The following MEGF11 variants were observed in gnomAD, a reference collection of about 807,000 sequenced individuals.
MEGF11 encodes multiple EGF like domains 11, also known as multiple epidermal growth factor-like domains protein 11.
A neutral mutation model predicts 146.6 loss-of-function variants in MEGF11; 126 were observed. The observed-to-expected ratio is 0.86, with a 90% CI of 0.74 to 1.00. The LOEUF (loss-of-function observed/expected upper bound fraction) is 1.00, where lower values mean the gene tolerates loss of function less well. Ranked by LOEUF, MEGF11 falls within the 50% of genes least tolerant of loss-of-function variation. The pLI, the probability that MEGF11 is intolerant of heterozygous loss-of-function variation, is 0.00. For missense variants in MEGF11, 1,509 were observed against 1,521.2 expected (o/e 0.99, Z 0.13); for synonymous variants, 532 against 583.4 (o/e 0.91, Z 1.27).
In MEGF11 at chr15:65,940,157, G is replaced by A. The variant is rs184342518; in HGVS notation, c.1288-9214C>T. On this transcript the variant is annotated intron_variant, in intron 10 of 25. Coordinates refer to ENST00000395614, the MANE Select transcript of MEGF11 (RefSeq NM_001385028.1). ...GGCTAGTCCCTCCCTACTTCCATGG[G>A]TTCTGCAGGCGGCCTGTAGTGGCTC... 2.6e-3 allele frequency among the ~76,000 whole-genome samples: 394 copies of A among 152,282 alleles called. 2 individuals carry two copies. Among genetic ancestry groups the A allele is most frequent in the Non-Finnish European group, 4.9e-3 (334 of 68,006 alleles).
chr15:66,136,189 G>T (rs1431182148), intron 1 of MEGF11, among the ~76,000 whole-genome samples: 1 of 152,212 alleles, frequency 6.6e-6, no homozygotes, highest in Admixed American at 6.5e-5. Flanking sequence ...TTCTTGTGAG[G>T]ATTAAACAGG....
chr15:66,046,454 T>C (rs1383056013), intron 5 of MEGF11, among the ~76,000 whole-genome samples: 1 of 152,162 alleles, frequency 6.6e-6, no homozygotes, highest in East Asian at 1.9e-4. Flanking sequence ...CAGGCTTTCT[T>C]TAGAGCTCAG....
At chr15:66,051,048 G>A (rs1050882133) in intron 5 of MEGF11, among the ~76,000 whole-genome samples, 1 of 152,212 alleles carries the variant, frequency 6.6e-6, no homozygotes, top group African/African-American at 2.4e-5. Context: ...TGACAGATAT[G>A]AGCCCCAAAG....
At chr15:66,054,614 G>C (rs1368476727) in intron 5 of MEGF11, among the ~76,000 whole-genome samples, 3 of 152,224 alleles carry the variant, frequency 2.0e-5, no homozygotes, top group Non-Finnish European at 4.4e-5. Context: ...AAAATGGAGT[G>C]AGCACACATG....
At chr15:66,045,547 C>T (rs1334012679) in intron 5 of MEGF11, among the ~76,000 whole-genome samples, 1 of 152,206 alleles carries the variant, frequency 6.6e-6, no homozygotes, top group Non-Finnish European at 1.5e-5. Flanking sequence ...GGGCTCTACT[C>T]CATTTCCCCT....
chr15:65,980,395 C>CTT (rs60154748), intron 7 of MEGF11, among the ~76,000 whole-genome samples: 4,844 of 88,072 alleles, frequency 0.055, 661 homozygotes, highest in South Asian at 0.07. Flanking sequence ...AAGAATTCAG[C>CTT]TTTTTTTTTT....
intron 1 of MEGF11, among the ~76,000 whole-genome samples, chr15:66,169,060 C>T (rs4776755): frequency 0.99 from 151,408 of 152,374 alleles, 75,230 homozygotes; most frequent in Middle Eastern, 1. Context: ...GATTTAAAAT[C>T]CCACATGTGC....
chr15:66,179,292 C>T (rs1002248639), intron 1 of MEGF11, among the ~76,000 whole-genome samples: 2 of 152,158 alleles, frequency 1.3e-5, no homozygotes, highest in Non-Finnish European at 2.9e-5. Context: ...GCCCCCACAC[C>T]CAGCTAATTT....
intron 1 of MEGF11, among the ~76,000 whole-genome samples, chr15:66,172,942 C>T (rs1403262470): frequency 6.6e-6 from 1 of 152,132 alleles, no homozygotes; most frequent in Non-Finnish European, 1.5e-5. Context: ...CTTTTCTGTC[C>T]CTCCTGACCG....
chr15:66,027,671 G>A lies in MEGF11; in HGVS notation c.395-45183C>T, dbSNP rs1490229804. On this transcript the variant is annotated intron_variant, in intron 5 of 25. Transcript: ENST00000395614. ...GGCCCCTCCCTTGATGATTCAGATTGCACAAATCTTGGGTGGGGGTGGCAA... is the reference window on the plus strand; with the variant it reads ...GGCCCCTCCCTTGATGATTCAGATTACACAAATCTTGGGTGGGGGTGGCAA... Among the ~76,000 whole-genome samples, 7 of 152,240 alleles carry A rather than the reference G, an allele frequency of 4.6e-5. No homozygotes were observed. The East Asian group carries it at 1.3e-3, about 29-fold the overall frequency.
intron 1 of MEGF11, among the ~76,000 whole-genome samples, chr15:66,225,731 C>G (rs1384685231): frequency 6.6e-6 from 1 of 152,176 alleles, no homozygotes; most frequent in Non-Finnish European, 1.5e-5. Flanking sequence ...CACACGCACA[C>G]TATCATACAC....
At chr15:66,154,566 G>T (rs1384393993) in intron 1 of MEGF11, among the ~76,000 whole-genome samples, 1 of 152,216 alleles carries the variant, frequency 6.6e-6, no homozygotes, top group African/African-American at 2.4e-5. Context: ...TCATAAAGAT[G>T]CAGTTATTAA....
intron 1 of MEGF11, among the ~76,000 whole-genome samples, chr15:66,161,216 G>C (rs1044356708): frequency 3.3e-5 from 5 of 152,226 alleles, no homozygotes; most frequent in African/African-American, 1.2e-4. Context: ...AATGTACTGA[G>C]TGGGAGGAGG....
intron 5 of MEGF11, among the ~76,000 whole-genome samples, chr15:66,064,699 C>T (rs1376790874): frequency 6.7e-6 from 1 of 149,852 alleles, no homozygotes; most frequent in African/African-American, 2.4e-5. Context: ...TATTTTTTTT[C>T]TTTTTTTTTA....
intron 24 of MEGF11, 51 bp downstream of exon 24, chr15:65,906,034 C>A: frequency 1.3e-6 from 2 of 1,481,578 alleles, no homozygotes; most frequent in Admixed American, 3.7e-5. Flanking sequence ...GATCTGCACT[C>A]TTTATCTTGC....
chr15:66,174,167 G>A (rs1250547871), intron 1 of MEGF11, among the ~76,000 whole-genome samples: 2 of 152,182 alleles, frequency 1.3e-5, no homozygotes, highest in African/African-American at 4.8e-5. Flanking sequence ...CCTGGCCCAA[G>A]CCTAAAAGTC....
intron 7 of MEGF11, among the ~76,000 whole-genome samples, chr15:65,975,814 C>T (rs544135044): frequency 4.5e-4 from 68 of 152,248 alleles, no homozygotes; most frequent in African/African-American, 1.6e-3. Context: ...AGTAATTGAA[C>T]CAAGTTGACA....
chr15:66,088,770 T>C (rs1156743811), intron 5 of MEGF11, among the ~76,000 whole-genome samples: 1 of 152,120 alleles, frequency 6.6e-6, no homozygotes, highest in Non-Finnish European at 1.5e-5. Context: ...ATTCCAATTA[T>C]ATGAAGCACA....
chr15:66,069,965 C>G (rs2085296507), intron 5 of MEGF11, among the ~76,000 whole-genome samples: 1 of 152,168 alleles, frequency 6.6e-6, no homozygotes, highest in South Asian at 2.1e-4. Flanking sequence ...TAGATTTGGC[C>G]CATGGACCAT....
Sources: gnomAD v4.1 joint callset for allele counts (sites outside exome capture counted in the v4.1 genomes callset) on GRCh38, gnomAD v4.1.1 for gene constraint, MANE v1.5 for transcripts, NCBI Gene and HGNC (gene_info 2026-07-23, HGNC 2026-07-21) for gene names.